The following NLGN1 variants were observed in gnomAD, a reference collection of about 807,000 sequenced individuals.
The protein encoded by NLGN1 is neuroligin-1.
In NLGN1, 12 loss-of-function variants were observed where a neutral mutation model predicts 65.5. The observed-to-expected ratio is 0.18, with a 90% CI of 0.12 to 0.30. NLGN1 has a LOEUF of 0.30. Ranked by LOEUF, NLGN1 falls within the 10% of genes least tolerant of loss-of-function variation. The pLI is 1.00. For missense variants in NLGN1, 750 were observed against 1,007.1 expected (o/e 0.74, Z 3.46); for synonymous variants, 350 against 359.5 (o/e 0.97, Z 0.30).
intron 4 of NLGN1, among the ~76,000 whole-genome samples, chr3:173,846,336 T>G (rs1725789308): frequency 6.6e-6 from 1 of 152,152 alleles, no homozygotes; most frequent in African/African-American, 2.4e-5. Context: ...GACCCAGGGC[T>G]CAGTGCTTTT....
intron 3 of NLGN1, among the ~76,000 whole-genome samples, chr3:173,663,859 C>T (rs1349048406): frequency 1.4e-5 from 2 of 145,038 alleles, no homozygotes; most frequent in African/African-American, 2.5e-5. Context: ...ATCACTGCTA[C>T]TTTTTTTTTT....
At chr3:173,857,295 T>G (rs563547062) in intron 4 of NLGN1, among the ~76,000 whole-genome samples, 29 of 152,188 alleles carry the variant, frequency 1.9e-4, no homozygotes, top group African/African-American at 7.0e-4. Flanking sequence ...TGCTGGGACT[T>G]GCACACCACT....
intron 4 of NLGN1, among the ~76,000 whole-genome samples, chr3:173,833,142 G>A (rs986814797): frequency 1.1e-4 from 17 of 152,138 alleles, no homozygotes; most frequent in Admixed American, 3.9e-4. Flanking sequence ...CAGTATATGT[G>A]CATTTAAAAT....
chr3:173,450,537 G>A (rs1721297743), intron 2 of NLGN1, among the ~76,000 whole-genome samples: 1 of 152,018 alleles, frequency 6.6e-6, no homozygotes, highest in Non-Finnish European at 1.5e-5. Context: ...ACAATTATGT[G>A]TCTTGGAGTT....
intron 1 of NLGN1, among the ~76,000 whole-genome samples, chr3:173,407,185 A>G (rs1040982696): frequency 2.0e-5 from 3 of 152,210 alleles, no homozygotes; most frequent in Non-Finnish European, 4.4e-5. Context: ...CTTTATGACT[A>G]AATGCGTAGA....
intron 4 of NLGN1, among the ~76,000 whole-genome samples, chr3:174,160,272 G>GT (rs994524800): frequency 6.6e-6 from 1 of 151,468 alleles, no homozygotes; most frequent in Admixed American, 6.6e-5. Flanking sequence ...ATCTCGTTTG[G>GT]TTTTTTTCTC....
chr3:174,009,601 A>G (rs546569421), intron 4 of NLGN1, among the ~76,000 whole-genome samples: 2 of 152,292 alleles, frequency 1.3e-5, no homozygotes, highest in Non-Finnish European at 2.9e-5. Context: ...CAAAGCTCAC[A>G]TTCTTAACCA....
intron 3 of NLGN1, among the ~76,000 whole-genome samples, chr3:173,768,092 G>A (rs998122133): frequency 2.0e-5 from 3 of 151,776 alleles, no homozygotes; most frequent in African/African-American, 7.2e-5. Flanking sequence ...ATATGTATGT[G>A]TTCATGAAAT....
chr3:173,618,038 C>G (rs1023743423), intron 3 of NLGN1, among the ~76,000 whole-genome samples: 1 of 152,142 alleles, frequency 6.6e-6, no homozygotes, highest in African/African-American at 2.4e-5. Context: ...ACCAGATAAT[C>G]TAAGAAGAGG....
intron 4 of NLGN1, among the ~76,000 whole-genome samples, chr3:173,821,015 C>T (rs113624517): frequency 3.9e-5 from 6 of 152,152 alleles, no homozygotes; most frequent in African/African-American, 1.2e-4. Flanking sequence ...CAATCTTAAA[C>T]CAATCCCTGA....
intron 4 of NLGN1, among the ~76,000 whole-genome samples, chr3:173,949,473 T>A (rs1381706524): frequency 6.6e-6 from 1 of 152,142 alleles, no homozygotes; most frequent in Non-Finnish European, 1.5e-5. Flanking sequence ...TTCAGAAAAA[T>A]TCCCCTAATA....
intron 3 of NLGN1, among the ~76,000 whole-genome samples, chr3:173,689,797 G>A (rs1765201730): frequency 6.6e-6 from 1 of 152,120 alleles, no homozygotes; most frequent in African/African-American, 2.4e-5. Context: ...TCTCAAAAAT[G>A]CAAAGAAGGA....
chr3:173,889,144 G>A lies in NLGN1; in HGVS notation c.646+81312G>A, dbSNP rs186190807. The stretch of plus-strand genomic sequence containing the variant: ...GACATGAAACTGTTATTTCTCATCC[G>A]AAGTCATAATTGTTCAGCATGAAAG... On this transcript the variant is annotated intron_variant, in intron 4 of 6. Transcript: ENST00000457714. Among the ~76,000 whole-genome samples, 649 of 152,120 alleles carry A rather than the reference G, an allele frequency of 4.3e-3. 5 individuals are homozygous for A. The highest frequency in any genetic ancestry group is 7.1e-3 in the Non-Finnish European group (480 of 67,972).
Position 173,599,516 on chromosome 3 carries a change from T to C in NLGN1, c.-320-4763T>C, listed in dbSNP as rs532392131. Among the ~76,000 whole-genome samples, 7 of 152,250 alleles carry C rather than the reference T, an allele frequency of 4.6e-5. No individual in the cohort carries two copies. The South Asian group carries it at 1.2e-3, about 27-fold the overall frequency. Reference sequence around the variant, plus strand: ...TTACAGTGAACTGATCACATAGATATATTCCAAGTACATGGCTAGCCTTGG... The same window carrying C: ...TTACAGTGAACTGATCACATAGATACATTCCAAGTACATGGCTAGCCTTGG... On this transcript the variant is annotated intron_variant, in intron 2 of 6. Coordinates refer to ENST00000457714, the Ensembl canonical transcript of NLGN1.
chr3:173,554,798 A>C (rs1234261911), intron 2 of NLGN1, among the ~76,000 whole-genome samples: 1 of 152,214 alleles, frequency 6.6e-6, no homozygotes, highest in African/African-American at 2.4e-5. Context: ...GTAACTACAG[A>C]AATCTCTCAA....
chr3:173,823,969 C>T (rs1293012717), intron 4 of NLGN1, among the ~76,000 whole-genome samples: 18 of 150,206 alleles, frequency 1.2e-4, no homozygotes, highest in Admixed American at 4.0e-4. Context: ...GAAAACACTT[C>T]GTTATTTTTA....
At chr3:173,595,158 C>G (rs751970596) in intron 2 of NLGN1, among the ~76,000 whole-genome samples, 7 of 152,132 alleles carry the variant, frequency 4.6e-5, no homozygotes, top group Non-Finnish European at 5.9e-5. Context: ...ATGGGTTTTT[C>G]TTTTCTATGG....
intron 5 of NLGN1, 126 bp downstream of exon 5, chr3:174,275,653 C>T: frequency 1.6e-6 from 1 of 632,312 alleles, no homozygotes; most frequent in East Asian, 2.7e-5. Flanking sequence ...TAGTTTAAAG[C>T]TTTGTTTCTT....
At chr3:174,089,144 T>C (rs904538172) in intron 4 of NLGN1, among the ~76,000 whole-genome samples, 1 of 152,136 alleles carries the variant, frequency 6.6e-6, no homozygotes, top group Non-Finnish European at 1.5e-5. Context: ...TCAGTGTATA[T>C]TGTACTTTCT....
Sources: allele counts gnomAD v4.1 joint callset (sites outside exome capture counted in the v4.1 genomes callset), GRCh38; gene constraint gnomAD v4.1.1; transcripts MANE v1.5; gene names NCBI Gene and HGNC (gene_info 2026-07-23, HGNC 2026-07-21).